The following CSGALNACT2 variants were observed in gnomAD, a reference collection of about 807,000 sequenced individuals.
The protein encoded by CSGALNACT2 is chondroitin sulfate N-acetylgalactosaminyltransferase 2.
CSGALNACT2 carries 35 observed loss-of-function variants against 55.3 expected under a neutral mutation model. That is an observed-to-expected ratio of 0.63 (90% confidence interval 0.48 to 0.84). CSGALNACT2 has a LOEUF of 0.84. Ranked by LOEUF, CSGALNACT2 falls within the 40% of genes least tolerant of loss-of-function variation. The pLI is 0.00. For synonymous variants in CSGALNACT2, 196 were observed against 224.9 expected (o/e 0.87, Z 1.15); for missense variants, 544 against 657.5 (o/e 0.83, Z 1.89).
chr10:43,138,607 C>G (rs1051561154), intron 1 of CSGALNACT2, 40 bp downstream of exon 1: 2 of 151,314 alleles, frequency 1.3e-5, no homozygotes, highest in African/African-American at 4.8e-5. Context: ...GTCCGCGACT[C>G]CCGCCGGCTC....
chr10:43,145,410 C>CTTTTT (rs71016727), intron 1 of CSGALNACT2, among the ~76,000 whole-genome samples: 27 of 99,404 alleles, frequency 2.7e-4, no homozygotes, highest in East Asian at 3.2e-4. Flanking sequence ...TTGTTTGTTT[C>CTTTTT]TTTTTTTTTT....
rs752240351 is a variant in CSGALNACT2, at chr10:43,162,223, G to A, written c.980+1628G>A. ...AGATTGGCTTCTTCCACATGGTGAG[G>A]GATATGACTGTTGGCGGCTCTGGGC... On this transcript the variant is annotated intron_variant, in intron 4 of 7. Transcript: ENST00000374466. 3 of 520,412 alleles carry A rather than the reference G, an allele frequency of 5.8e-6. No individual in the cohort carries two copies. In the African/African-American group the frequency reaches 5.8e-5, roughly 10 times the overall value. The allele number at this position is 520,412 out of a possible 1,614,324, so 32.2% of individuals were successfully genotyped here.
intron 1 of CSGALNACT2, among the ~76,000 whole-genome samples, chr10:43,143,303 T>C (rs1838671442): frequency 6.6e-6 from 1 of 152,242 alleles, no homozygotes; most frequent in African/African-American, 2.4e-5. Context: ...TAATTTAACC[T>C]TTCCTCTATT....
intron 1 of CSGALNACT2, among the ~76,000 whole-genome samples, chr10:43,147,767 T>C (rs1404091192): frequency 6.6e-6 from 1 of 151,222 alleles, no homozygotes; most frequent in Non-Finnish European, 1.5e-5. Context: ...TCAGATCTTT[T>C]GCTTGTCGAG....
In CSGALNACT2 at chr10:43,155,747, CAAG is replaced by C. The variant is rs754850765; in HGVS notation, c.603_605del (p.Glu201del). 5 of 1,613,820 alleles carry C rather than the reference CAAG, an allele frequency of 3.1e-6. No homozygotes were observed. Among genetic ancestry groups the C allele is most frequent in the Non-Finnish European group, 4.2e-6 (5 of 1,179,980 alleles). On this transcript the variant is annotated inframe_deletion, in exon 2 of 8. Transcript: ENST00000374466. The stretch of plus-strand genomic sequence containing the variant: ...TAATAATCCTGATGAAGATGATGAA[CAAG>C]AAGATGAGGAGGGTCCCCTTGGAGA...
At chr10:43,179,753 A>G (rs1224164387) in intron 7 of CSGALNACT2, among the ~76,000 whole-genome samples, 2 of 151,708 alleles carry the variant, frequency 1.3e-5, no homozygotes, top group South Asian at 2.1e-4. Context: ...TATTCTTACT[A>G]TCTCTCTCTG....
chr10:43,153,838 G>C (rs1367816158), intron 1 of CSGALNACT2, among the ~76,000 whole-genome samples: 2 of 152,100 alleles, frequency 1.3e-5, no homozygotes, highest in African/African-American at 4.8e-5. Flanking sequence ...ATGTATAAAT[G>C]GTTTTTGAAT....
In CSGALNACT2 at chr10:43,183,432, G is replaced by A. The variant is rs1301223889; in HGVS notation, c.1519G>A (p.Ala507Thr). The change falls in exon 8 of 8, where the codon GCC (alanine) becomes ACC (threonine). Residue 507 changes from alanine (A) to threonine (T), a missense_variant. Transcript: ENST00000374466. Reference protein sequence around the residue: ...EQYRMCIQSKAMNEASHSHLG... With the variant: ...EQYRMCIQSKTMNEASHSHLG... Reference sequence around the variant, plus strand: ...GTACCGCATGTGCATCCAGTCTAAAGCCATGAATGAGGCCTCTCACTCCCA... The same window carrying A: ...GTACCGCATGTGCATCCAGTCTAAAACCATGAATGAGGCCTCTCACTCCCA... The A allele has an allele frequency of 6.2e-7, 1 of 1,614,182 alleles. No homozygotes were observed. The highest frequency in any genetic ancestry group is 8.5e-7 in the Non-Finnish European group (1 of 1,180,050).
chr10:43,149,308 A>T lies in CSGALNACT2; in HGVS notation c.-253-5589A>T, dbSNP rs114302109. 9.0e-3 allele frequency among the ~76,000 whole-genome samples: 1,374 copies of T among 152,170 alleles called. 21 individuals are homozygous for T. Among genetic ancestry groups the T allele is most frequent in the African/African-American group, 0.032 (1,331 of 41,494 alleles). On this transcript the variant is annotated intron_variant, in intron 1 of 7. Transcript: ENST00000374466. ...CATTGTGCTAGCCAGGATGGTCTCT[A>T]TCTCCTGACCTCGTGGGATCTGCCC...
chr10:43,159,079 T>G, intron 3 of CSGALNACT2, 148 bp downstream of exon 3: 1 of 605,532 alleles, frequency 1.7e-6, no homozygotes, highest in East Asian at 2.8e-5. Flanking sequence ...TATTCTCTCT[T>G]TTTTTAAAGC....
Position 43,167,055 on chromosome 10 carries a change from T to A in CSGALNACT2, c.1211T>A (p.Val404Asp). Reference sequence around the variant, plus strand: ...TTCAGTCTTTACAATCCTGCCATTGTTTATGCCAACCAGGAAGTGCCACCA... The same window carrying A: ...TTCAGTCTTTACAATCCTGCCATTGATTATGCCAACCAGGAAGTGCCACCA... ...VVFSLYNPAI[V>D]YANQEVPPPV... Residue 404 changes from valine to aspartate, a missense_variant, in exon 6 of 8, where the codon GTT becomes GAT. By Grantham distance (152) the Val-to-Asp change is radical. Around this residue, in one of 2 missense-constraint regions of CSGALNACT2, gnomAD observed 170 missense variants for 256.2 expected, o/e 0.66. Coordinates refer to ENST00000374466, the MANE Select transcript of CSGALNACT2 (RefSeq NM_018590.5). The A allele has an allele frequency of 6.2e-7, 1 of 1,613,506 alleles. No individual in the cohort carries two copies. Among genetic ancestry groups the A allele is most frequent in the South Asian group, 1.1e-5 (1 of 91,066 alleles).
chr10:43,144,920 C>T (rs1275161956), intron 1 of CSGALNACT2, among the ~76,000 whole-genome samples: 2 of 152,086 alleles, frequency 1.3e-5, no homozygotes, highest in Non-Finnish European at 2.9e-5. Context: ...CTTCTGTTGC[C>T]TGGCTCCTAT....
At chr10:43,152,195 T>G (rs1479931920) in intron 1 of CSGALNACT2, among the ~76,000 whole-genome samples, 1 of 152,192 alleles carries the variant, frequency 6.6e-6, no homozygotes, top group African/African-American at 2.4e-5. Context: ...TGGGATTAAC[T>G]CTGGGCTGTG....
chr10:43,164,631 G>A (rs1159358532), intron 5 of CSGALNACT2, among the ~76,000 whole-genome samples: 1 of 152,190 alleles, frequency 6.6e-6, no homozygotes, highest in Non-Finnish European at 1.5e-5. Context: ...GGTGGATCAT[G>A]AGGTCAAGAG....
chr10:43,175,230 T>G (rs778001499), intron 6 of CSGALNACT2, among the ~76,000 whole-genome samples: 10 of 152,168 alleles, frequency 6.6e-5, no homozygotes, highest in Non-Finnish European at 1.5e-4. Context: ...TGTAAACAGA[T>G]CAACACAACT....
chr10:43,144,862 A>G (rs1372939925), intron 1 of CSGALNACT2, among the ~76,000 whole-genome samples: 1 of 152,184 alleles, frequency 6.6e-6, no homozygotes, highest in Non-Finnish European at 1.5e-5. Flanking sequence ...ACTACAAATT[A>G]CCTTGCATTT....
chr10:43,142,084 A>C (rs1363657805), intron 1 of CSGALNACT2, among the ~76,000 whole-genome samples: 1 of 152,192 alleles, frequency 6.6e-6, no homozygotes, highest in Non-Finnish European at 1.5e-5. Context: ...TAAAGTGTAA[A>C]AATTTTTTAG....
At chr10:43,161,684 G>C (rs1470214217) in intron 4 of CSGALNACT2, among the ~76,000 whole-genome samples, 1 of 152,182 alleles carries the variant, frequency 6.6e-6, no homozygotes, top group African/African-American at 2.4e-5. Context: ...TCCTCCTCCT[G>C]ATGGCCCTCT....
At chr10:43,139,182 A>G (rs1193607197) in intron 1 of CSGALNACT2, among the ~76,000 whole-genome samples, 2 of 152,180 alleles carry the variant, frequency 1.3e-5, no homozygotes, top group African/African-American at 4.8e-5. Flanking sequence ...CTTTTGAGAT[A>G]GATATGGGAT....
Sources: gnomAD v4.1 joint callset for allele counts (sites outside exome capture counted in the v4.1 genomes callset) on GRCh38, gnomAD v4.1.1 for gene constraint, gnomAD v4.1.1 regional missense constraint, MANE v1.5 for transcripts, NCBI Gene and HGNC (gene_info 2026-07-23, HGNC 2026-07-21) for gene names.